IL15: variants seen among roughly 807,000 people sequenced by gnomAD.
IL15 encodes the protein interleukin-15.
In IL15, 11 loss-of-function variants were observed where a neutral mutation model predicts 19.6. The ratio of observed to expected loss-of-function variants is 0.56; its 90% CI spans 0.35 to 0.93. The LOEUF is 0.93. IL15 is among the 40% of genes least tolerant of loss of function. The pLI, the probability that IL15 is intolerant of heterozygous loss-of-function variation, is 0.01. For synonymous variants in IL15, 58 were observed against 59.6 expected, an observed-to-expected ratio of 0.97 and a Z score of 0.12; for missense variants, 197 against 186.5, an observed-to-expected ratio of 1.06 and a Z score of -0.33.
intron 2 of IL15, among the ~76,000 whole-genome samples, chr4:141,670,047 T>C (rs17461843): frequency 0.021 from 3,134 of 151,506 alleles, 54 homozygotes; most frequent in Non-Finnish European, 0.03. Flanking sequence ...TACCTTATTT[T>C]TTCTGAGCCC....
At chr4:141,731,858 T>C (rs1380609004) in intron 7 of IL15, among the ~76,000 whole-genome samples, 1 of 152,208 alleles carries the variant, frequency 6.6e-6, no homozygotes, top group Non-Finnish European at 1.5e-5. Flanking sequence ...TCAGATGATC[T>C]CTAAAAAGTT....
chr4:141,721,262 C>T (rs1730066105), intron 4 of IL15: 2 of 711,218 alleles, frequency 2.8e-6, no homozygotes, highest in Non-Finnish European at 5.1e-6. Context: ...TATTTTTCCT[C>T]AAGCTCTAAG....
At chr4:141,647,648 A>T (rs1230994637) in intron 1 of IL15, among the ~76,000 whole-genome samples, 1 of 151,960 alleles carries the variant, frequency 6.6e-6, no homozygotes, top group Non-Finnish European at 1.5e-5. Context: ...TAGGCTTTTT[A>T]CACCTCCTAG....
At chr4:141,689,179 T>C (rs1728814127) in intron 2 of IL15, 2 of 152,074 alleles carry the variant, frequency 1.3e-5, no homozygotes, top group Non-Finnish European at 2.9e-5. Flanking sequence ...ACCCAAAGAG[T>C]GAGCAGTAAC....
chr4:141,653,228 AT>A (rs1435677540), intron 1 of IL15, among the ~76,000 whole-genome samples: 13 of 152,198 alleles, frequency 8.5e-5, no homozygotes, highest in African/African-American at 3.1e-4. Flanking sequence ...AAACTGTGCC[AT>A]GCTTTGGGCA....
intron 2 of IL15, among the ~76,000 whole-genome samples, chr4:141,672,305 CT>C (rs1728201793): frequency 1.3e-5 from 2 of 152,158 alleles, no homozygotes; most frequent in Non-Finnish European, 2.9e-5. Context: ...ATATCTGTCA[CT>C]TTTATTCCTT....
intron 5 of IL15, among the ~76,000 whole-genome samples, chr4:141,726,726 G>A (rs908127312): frequency 1.3e-5 from 2 of 152,138 alleles, no homozygotes; most frequent in Admixed American, 1.3e-4. Context: ...GATATATCAT[G>A]TCAGGGAATA....
intron 2 of IL15, chr4:141,718,709 T>C (rs2152189041): frequency 6.6e-6 from 1 of 152,322 alleles, no homozygotes; most frequent in East Asian, 1.9e-4. Flanking sequence ...AGTGAATATT[T>C]ATGTCATGGG....
chr4:141,658,233 C>T (rs1441961534), intron 2 of IL15, among the ~76,000 whole-genome samples: 2 of 152,192 alleles, frequency 1.3e-5, no homozygotes, highest in Non-Finnish European at 2.9e-5. Flanking sequence ...CCTGCTTCCA[C>T]TTCATCTTCT....
rs1056670968 is a variant in IL15 at position 141,721,399 on chromosome 4, C to T, written c.111-525C>T. 2.7e-5 allele frequency: 17 copies of T among 626,680 alleles called. No individual in the cohort carries two copies. The South Asian group carries it at 2.8e-4, about 10-fold the overall frequency. The allele number at this position is 626,680 out of a possible 1,614,324, so 38.8% of individuals were successfully genotyped here. ...AGCCTACACTGGAATGAAGTCTGTA[C>T]TGTTTATGGAGAAAGCTGCTGCAAG... On this transcript the variant is annotated intron_variant, in intron 4 of 7. Coordinates refer to ENST00000320650, the MANE Select transcript of IL15 (RefSeq NM_000585.5).
chr4:141,692,225 A>G (rs986021768), intron 2 of IL15, among the ~76,000 whole-genome samples: 11 of 152,188 alleles, frequency 7.2e-5, no homozygotes, highest in Non-Finnish European at 1.3e-4. Context: ...TGCACAAAGG[A>G]GTTGGGCCCT....
intron 2 of IL15, among the ~76,000 whole-genome samples, chr4:141,703,128 G>A (rs1415556800): frequency 6.6e-6 from 1 of 152,148 alleles, no homozygotes; most frequent in African/African-American, 2.4e-5. Flanking sequence ...CCAGGTTTAG[G>A]TCCACATAAC....
intron 2 of IL15, among the ~76,000 whole-genome samples, chr4:141,673,592 G>A (rs1243559749): frequency 6.6e-6 from 1 of 152,072 alleles, no homozygotes; most frequent in East Asian, 1.9e-4. Flanking sequence ...TTCTCAGAGC[G>A]CTTGGCTATC....
At chr4:141,658,763 G>GA (rs1727688606) in intron 2 of IL15, among the ~76,000 whole-genome samples, 2 of 151,052 alleles carry the variant, frequency 1.3e-5, no homozygotes, top group African/African-American at 4.9e-5. Flanking sequence ...TAAATTCAAA[G>GA]AAAAAACACG....
intron 2 of IL15, among the ~76,000 whole-genome samples, chr4:141,701,363 G>T (rs1027114482): frequency 6.6e-6 from 1 of 151,440 alleles, no homozygotes; most frequent in Non-Finnish European, 1.5e-5. Context: ...TTAATTCTTG[G>T]TGCTTTTAGG....
intron 2 of IL15, among the ~76,000 whole-genome samples, chr4:141,707,798 G>C (rs928542053): frequency 6.6e-6 from 1 of 152,232 alleles, no homozygotes; most frequent in Non-Finnish European, 1.5e-5. Context: ...CTGACAAGCT[G>C]TCTGGCTACC....
At chr4:141,687,230 C>T (rs1240781729) in intron 2 of IL15, among the ~76,000 whole-genome samples, 1 of 152,136 alleles carries the variant, frequency 6.6e-6, no homozygotes, top group Non-Finnish European at 1.5e-5. Context: ...GTAAGCAGGG[C>T]AGGTCTTTCT....
chr4:141,642,184 G>T (rs1019882383), intron 1 of IL15, among the ~76,000 whole-genome samples: 2 of 152,130 alleles, frequency 1.3e-5, no homozygotes, highest in African/African-American at 4.8e-5. Flanking sequence ...CACATGTTAA[G>T]ATTCTGGATA....
rs1730104236 is a variant in IL15 at position 141,722,076 on chromosome 4, T to C, written c.195+68T>C. ...TGGAGTTTGTCTCTCTCTGTGTTTT[T>C]CTGTCTGTCTTAAGGAAACCACACT... On this transcript the variant is annotated intron_variant, in intron 5 of 7. Transcript: ENST00000320650. 4 of 1,455,778 alleles carry C rather than the reference T, an allele frequency of 2.7e-6. No homozygotes were observed. The South Asian group carries it at 6.5e-5, about 23-fold the overall frequency. 90.2% of individuals were successfully genotyped at this position (1,455,778 alleles called of 1,614,324 possible).
Sources: allele counts gnomAD v4.1 joint callset (sites outside exome capture counted in the v4.1 genomes callset), GRCh38; gene constraint gnomAD v4.1.1; transcripts MANE v1.5; gene names NCBI Gene and HGNC (gene_info 2026-07-23, HGNC 2026-07-21).